Variants in UBE2QL1 observed in about 807,000 individuals in gnomAD.
UBE2QL1 encodes the protein ubiquitin-conjugating enzyme E2Q-like protein 1.
UBE2QL1 carries 5 observed loss-of-function variants against 12.6 expected under a neutral mutation model. The ratio of observed to expected loss-of-function variants is 0.40; its 90% confidence interval spans 0.21 to 0.83. The LOEUF is 0.83. UBE2QL1 is among the 40% of genes least tolerant of loss of function. The pLI, the probability that UBE2QL1 is intolerant of heterozygous loss-of-function variation, is 0.37. For synonymous variants in UBE2QL1, 96 were observed against 94.5 expected (o/e 1.02, Z -0.10); for missense variants, 99 against 222.6 (o/e 0.44, Z 3.53).
chr5:6,484,876 C>A (rs937770578), intron 1 of UBE2QL1, among the ~76,000 whole-genome samples: 1 of 151,932 alleles, frequency 6.6e-6, no homozygotes, highest in Non-Finnish European at 1.5e-5. Flanking sequence ...AAGGGACCAC[C>A]CATTAAACTG....
intron 1 of UBE2QL1, among the ~76,000 whole-genome samples, chr5:6,480,602 G>A (rs760836290): frequency 1.3e-5 from 2 of 152,108 alleles, no homozygotes; most frequent in East Asian, 1.9e-4. Flanking sequence ...CTTTTTCTGC[G>A]CTTGCTTCCT....
At chr5:6,470,182 C>T (rs1739881332) in intron 1 of UBE2QL1, among the ~76,000 whole-genome samples, 1 of 152,144 alleles carries the variant, frequency 6.6e-6, no homozygotes, top group Admixed American at 6.5e-5. Context: ...CTGGTGCTCC[C>T]CAGAGGGCTT....
chr5:6,484,890 C>A (rs1346278793), intron 1 of UBE2QL1, among the ~76,000 whole-genome samples: 1 of 152,022 alleles, frequency 6.6e-6, no homozygotes, highest in East Asian at 1.9e-4. Context: ...TAAACTGGCT[C>A]ATGTGGCCTG....
rs769125657 is a variant in UBE2QL1, at chr5:6,492,707, G to A, written c.*1358G>A. 6.6e-6 allele frequency: 1 copy of A among 152,134 alleles called. No homozygotes were observed. The highest frequency in any genetic ancestry group is 1.5e-5 in the Non-Finnish European group (1 of 68,032). 9.4% of individuals were successfully genotyped at this position (152,134 alleles called of 1,614,324 possible). ...CTACAACATGTAATTCCAGAGCAGC[G>A]TTCTAAGTCAGGTACCAGAAATGAG... is the stretch of plus-strand genomic sequence containing the variant. On this transcript the variant is annotated 3_prime_UTR_variant, in exon 2 of 2. Coordinates refer to ENST00000399816, the MANE Select transcript of UBE2QL1 (RefSeq NM_001145161.3).
At chr5:6,457,644 G>A (rs557942895) in intron 1 of UBE2QL1, among the ~76,000 whole-genome samples, 1 of 152,312 alleles carries the variant, frequency 6.6e-6, no homozygotes, top group South Asian at 2.1e-4. Flanking sequence ...AGCAGCCTAA[G>A]AGGTAGGTGC....
At chr5:6,470,560 T>G (rs1302501079) in intron 1 of UBE2QL1, among the ~76,000 whole-genome samples, 1 of 152,200 alleles carries the variant, frequency 6.6e-6, no homozygotes, top group Non-Finnish European at 1.5e-5. Flanking sequence ...ATACATGATT[T>G]TTTCAGCAGT....
intron 1 of UBE2QL1, among the ~76,000 whole-genome samples, chr5:6,469,589 C>A (rs1047555784): frequency 1.0e-4 from 15 of 146,046 alleles, no homozygotes; most frequent in African/African-American, 3.7e-4. Context: ...TATATATATA[C>A]ACACACACAC....
chr5:6,459,511 G>A (rs912211198), intron 1 of UBE2QL1, among the ~76,000 whole-genome samples: 1 of 152,076 alleles, frequency 6.6e-6, no homozygotes, highest in African/African-American at 2.4e-5. Context: ...ATGGCCTCGA[G>A]GTGTCTGGGG....
intron 1 of UBE2QL1, among the ~76,000 whole-genome samples, chr5:6,483,822 A>G (rs1734413031): frequency 6.6e-6 from 1 of 152,078 alleles, no homozygotes; most frequent in East Asian, 1.9e-4. Flanking sequence ...CCATGTAGCC[A>G]TGTGGCCCCT....
rs1027871130 is a variant in UBE2QL1, at chr5:6,481,567, T to G, written c.355-9651T>G. Among the ~76,000 whole-genome samples, 1 of 152,224 alleles carries G rather than the reference T, an allele frequency of 6.6e-6. No individual in the cohort carries two copies. The highest frequency in any genetic ancestry group is 2.4e-5 in the African/African-American group (1 of 41,460). ...CCCAGCAGCCTCCTGCCTGGATTTC[T>G]GTGCACACCTCAAAGCCAGCCAACC... On this transcript the variant is annotated intron_variant, in intron 1 of 1. Coordinates refer to ENST00000399816, the MANE Select transcript of UBE2QL1 (RefSeq NM_001145161.3). The surrounding 1 kb of genome is among the most constrained non-coding windows in gnomAD (Gnocchi z 4.5).
At chr5:6,474,557 C>T (rs566695066) in intron 1 of UBE2QL1, among the ~76,000 whole-genome samples, 2 of 152,314 alleles carry the variant, frequency 1.3e-5, no homozygotes, top group South Asian at 4.2e-4. Flanking sequence ...GCATCTCCCT[C>T]CTGGGTGAGA....
intron 1 of UBE2QL1, among the ~76,000 whole-genome samples, chr5:6,470,388 A>C (rs1739885972): frequency 6.6e-6 from 1 of 152,250 alleles, no homozygotes; most frequent in African/African-American, 2.4e-5. Flanking sequence ...TCTAACCTGT[A>C]AAACTCTTAA....
At chr5:6,456,729 G>A (rs935540894) in intron 1 of UBE2QL1, among the ~76,000 whole-genome samples, 4 of 152,120 alleles carry the variant, frequency 2.6e-5, no homozygotes, top group Non-Finnish European at 4.4e-5. Flanking sequence ...CACAAGGCTG[G>A]GAGGAAACCA....
At position 6,483,791 on chromosome 5, in the gene UBE2QL1, G is replaced by T. The variant is rs551540513; in HGVS notation, c.355-7427G>T. ...CACGCCAAGGGCTGGTTCCCTTGTGGCTGATCCCTGTGTGGCTGGTCCATG... is the reference window on the plus strand; with the variant it reads ...CACGCCAAGGGCTGGTTCCCTTGTGTCTGATCCCTGTGTGGCTGGTCCATG... On this transcript the variant is annotated intron_variant, in intron 1 of 1. Coordinates refer to ENST00000399816, the MANE Select transcript of UBE2QL1 (RefSeq NM_001145161.3). Among the ~76,000 whole-genome samples the T allele has an allele frequency of 1.1e-4, 17 of 152,326 alleles. No homozygotes were observed. In the South Asian group the frequency reaches 3.3e-3, roughly 30 times the overall value.
chr5:6,459,226 T>C (rs1193679565), intron 1 of UBE2QL1, among the ~76,000 whole-genome samples: 1 of 152,172 alleles, frequency 6.6e-6, no homozygotes, highest in African/African-American at 2.4e-5. Flanking sequence ...ACTGCTACTC[T>C]AACTATAAAG....
Position 6,496,710 on chromosome 5 carries a change from G to A in UBE2QL1, c.*5361G>A, listed in dbSNP as rs1349389473. Among the ~76,000 whole-genome samples the A allele has an allele frequency of 2.0e-5, 3 of 152,034 alleles. No individual in the cohort carries two copies. The highest frequency in any genetic ancestry group is 2.9e-5 in the Non-Finnish European group (2 of 68,002). On this transcript the variant is annotated 3_prime_UTR_variant, in exon 2 of 2. Coordinates refer to ENST00000399816, the MANE Select transcript of UBE2QL1 (RefSeq NM_001145161.3). ...AAATAAAACTTTAAAACCAATAAAC[G>A]TCTTTACACGGAATGCTTGCTGTGT...
chr5:6,494,265 T>G lies in UBE2QL1; in HGVS notation c.*2916T>G, dbSNP rs1296768602. On this transcript the variant is annotated 3_prime_UTR_variant, in exon 2 of 2. Coordinates refer to ENST00000399816, the MANE Select transcript of UBE2QL1 (RefSeq NM_001145161.3). Reference sequence around the variant, plus strand: ...TAGAAGACTGAGAACTGCTTATGCCTTAGGGAGTTCTATGTGAGCAGCAAG... The same window carrying G: ...TAGAAGACTGAGAACTGCTTATGCCGTAGGGAGTTCTATGTGAGCAGCAAG... 1 of 152,194 alleles carries G rather than the reference T, an allele frequency of 6.6e-6. No homozygotes were observed. Among genetic ancestry groups the G allele is most frequent in the Non-Finnish European group, 1.5e-5 (1 of 68,044 alleles). The allele number at this position is 152,194 out of a possible 1,614,324, so 9.4% of individuals were successfully genotyped here. A position where few individuals can be genotyped will look rare whatever the true frequency, so the allele number is the denominator to read the frequency against.
At chr5:6,487,233 A>C (rs1734483462) in intron 1 of UBE2QL1, among the ~76,000 whole-genome samples, 1 of 152,226 alleles carries the variant, frequency 6.6e-6, no homozygotes, top group Admixed American at 6.5e-5. Context: ...CTGTGTTGAA[A>C]TGTTTTCATG....
intron 1 of UBE2QL1, among the ~76,000 whole-genome samples, chr5:6,471,505 G>A (rs993948052): frequency 6.6e-6 from 1 of 152,216 alleles, no homozygotes; most frequent in Non-Finnish European, 1.5e-5. Flanking sequence ...TTGCCTATGG[G>A]CCTCTCCATG....
Sources: allele counts gnomAD v4.1 joint callset (sites outside exome capture counted in the v4.1 genomes callset), GRCh38; gene constraint gnomAD v4.1.1; non-coding constraint Gnocchi (gnomAD v3.1); transcripts MANE v1.5; gene names NCBI Gene and HGNC (gene_info 2026-07-23, HGNC 2026-07-21).